WASF2: variants seen among roughly 807,000 people sequenced by gnomAD.
WASF2 encodes WASP family member 2, also known as actin-binding protein WASF2.
In WASF2, 14 loss-of-function variants were observed where a neutral mutation model predicts 45.0. The ratio of observed to expected loss-of-function variants is 0.31; its 90% CI spans 0.21 to 0.49. The LOEUF is 0.49. Ranked by LOEUF, WASF2 falls within the 20% of genes least tolerant of loss-of-function variation. The pLI is 0.99. For synonymous variants in WASF2, 200 were observed against 236.3 expected (o/e 0.85, Z 1.41); for missense variants, 439 against 636.1 (o/e 0.69, Z 3.33).
In WASF2 at chr1:27,408,308, C is replaced by T. The variant is rs199795195; in HGVS notation, c.1378G>A (p.Glu460Lys). ...TCATTGCCCACAACATCCCGCTTCT[C>T]TTGTTCCCGCTGCTCCTCAACCCTG... ...LRRVEEQREQ[E>K]KRDVVGNDVA... The change falls in exon 9 of 9, where the codon GAG becomes AAG. Residue 460 changes from glutamate to lysine, a missense_variant. By Grantham distance (56) the Glu-to-Lys change is moderately conservative. Transcript: ENST00000618852. 1 of 1,614,246 alleles carries T rather than the reference C, an allele frequency of 6.2e-7. No individual in the cohort carries two copies. The highest frequency in any genetic ancestry group is 8.5e-7 in the Non-Finnish European group (1 of 1,180,056).
chr1:27,467,347 C>A (rs2017628366), intron 1 of WASF2, among the ~76,000 whole-genome samples: 2 of 148,004 alleles, frequency 1.4e-5, no homozygotes, highest in Admixed American at 6.7e-5. Context: ...GGTGTCCAGG[C>A]TGGAATGCAG....
At chr1:27,480,568 G>A (rs185204478) in intron 1 of WASF2, among the ~76,000 whole-genome samples, 2 of 151,846 alleles carry the variant, frequency 1.3e-5, no homozygotes, top group East Asian at 3.9e-4. Context: ...GAAATAAACT[G>A]AGTACTTGCT....
intron 2 of WASF2, among the ~76,000 whole-genome samples, chr1:27,419,781 C>T (rs1347229445): frequency 2.6e-5 from 4 of 152,160 alleles, no homozygotes; most frequent in Non-Finnish European, 4.4e-5. Flanking sequence ...CTTGAAAATA[C>T]AGTGAACAAC....
intron 1 of WASF2, among the ~76,000 whole-genome samples, chr1:27,460,851 GTT>G (rs1300664284): frequency 2.0e-5 from 3 of 152,146 alleles, no homozygotes; most frequent in African/African-American, 7.2e-5. Flanking sequence ...CCTTAGAAAA[GTT>G]TTTGGCCAGG....
At chr1:27,479,613 C>T (rs1421023338) in intron 1 of WASF2, among the ~76,000 whole-genome samples, 1 of 152,162 alleles carries the variant, frequency 6.6e-6, no homozygotes, top group Non-Finnish European at 1.5e-5. Flanking sequence ...GCCTGTAATC[C>T]CAGCACTTTG....
chr1:27,419,321 G>A (rs575273971), intron 2 of WASF2, among the ~76,000 whole-genome samples: 2 of 152,308 alleles, frequency 1.3e-5, no homozygotes, highest in African/African-American at 2.4e-5. Flanking sequence ...CTTGACAGAC[G>A]TGAACAGTCA....
At chr1:27,476,789 AAT>A (rs1185392435) in intron 1 of WASF2, among the ~76,000 whole-genome samples, 1 of 152,222 alleles carries the variant, frequency 6.6e-6, no homozygotes, top group Non-Finnish European at 1.5e-5. Context: ...TAGAAAAAAC[AAT>A]AGTGAAATCT....
At chr1:27,477,221 CTA>C (rs892472375) in intron 1 of WASF2, among the ~76,000 whole-genome samples, 33 of 152,294 alleles carry the variant, frequency 2.2e-4, no homozygotes, top group East Asian at 1.9e-4. Context: ...AGAGGGGCTT[CTA>C]TATGAGTACA....
chr1:27,445,333 C>G (rs1190153743), intron 1 of WASF2, among the ~76,000 whole-genome samples: 1 of 152,196 alleles, frequency 6.6e-6, no homozygotes, highest in East Asian at 1.9e-4. Flanking sequence ...CACAGACAGA[C>G]AGCTTTCAAA....
At chr1:27,461,657 G>A (rs1397389556) in intron 1 of WASF2, among the ~76,000 whole-genome samples, 3 of 150,674 alleles carry the variant, frequency 2.0e-5, no homozygotes, top group Non-Finnish European at 4.4e-5. Flanking sequence ...CTTATTTTTC[G>A]TAGAGTCGGG....
chr1:27,489,683 T>G (rs940453011), intron 1 of WASF2, among the ~76,000 whole-genome samples: 1 of 152,120 alleles, frequency 6.6e-6, no homozygotes, highest in Non-Finnish European at 1.5e-5. Context: ...GAGAGGAAAG[T>G]GACTTGCTCA....
intron 1 of WASF2, among the ~76,000 whole-genome samples, chr1:27,443,487 C>T (rs2017271437): frequency 6.6e-6 from 1 of 151,662 alleles, no homozygotes; most frequent in African/African-American, 2.4e-5. Context: ...GTGGCAGGCA[C>T]CTGTAATCCC....
At chr1:27,451,052 G>GAA (rs939560148) in intron 1 of WASF2, among the ~76,000 whole-genome samples, 12 of 143,122 alleles carry the variant, frequency 8.4e-5, no homozygotes, top group African/African-American at 1.8e-4. Flanking sequence ...CTCTTAAAAA[G>GAA]AAAAAAAAAA....
intron 1 of WASF2, among the ~76,000 whole-genome samples, chr1:27,449,198 T>A (rs2017349385): frequency 6.6e-6 from 1 of 152,128 alleles, no homozygotes; most frequent in Admixed American, 6.5e-5. Flanking sequence ...AATGAGCGGT[T>A]TTTTCACTTG....
rs538539930 is a variant in WASF2, at chr1:27,443,301, G to A, written c.-43-14368C>T. 3.4e-4 allele frequency among the ~76,000 whole-genome samples: 36 copies of A among 106,122 alleles called. No homozygotes were observed. The South Asian group carries it at 0.012, about 35-fold the overall frequency. 69.6% of individuals were successfully genotyped at this position (106,122 alleles called of 152,430 possible). On this transcript the variant is annotated intron_variant, in intron 1 of 8. Transcript: ENST00000618852. ...ACCCAGGCAACAAGAGCAAGACACC[G>A]TCTCTTAAAAAAAAAAAAAAAAAAA...
intron 1 of WASF2, among the ~76,000 whole-genome samples, chr1:27,477,235 A>G (rs1342596440): frequency 1.3e-5 from 2 of 152,118 alleles, no homozygotes; most frequent in Non-Finnish European, 2.9e-5. Context: ...ATGAGTACAG[A>G]TTTTTTTTAA....
At position 27,408,088 on chromosome 1, in the gene WASF2, T is replaced by G. The variant is rs1295253193; in HGVS notation, c.*101A>C. On this transcript the variant is annotated 3_prime_UTR_variant, in exon 9 of 9. Transcript: ENST00000618852. ...GAAAGCTTTGGCCCCTTAAAATTAC[T>G]TTTTTCCTCCCTTTTCTCCCCCTAC... 3 of 1,443,298 alleles carry G rather than the reference T, an allele frequency of 2.1e-6. No homozygotes were observed. Among genetic ancestry groups the G allele is most frequent in the Non-Finnish European group, 2.8e-6 (3 of 1,073,192 alleles). The allele number at this position is 1,443,298 out of a possible 1,614,324, so 89.4% of individuals were successfully genotyped here.
chr1:27,461,547 C>G lies in WASF2; in HGVS notation c.-44+28439G>C, dbSNP rs1334921367. ...GACGGATCTTGGCTCACTGCAAGCT[C>G]CGCCTCCCGGGCTCACTCCATTCTC... On this transcript the variant is annotated intron_variant, in intron 1 of 8. Coordinates refer to ENST00000618852, the MANE Select transcript of WASF2 (RefSeq NM_006990.5). Among the ~76,000 whole-genome samples the G allele has an allele frequency of 4.0e-5, 6 of 151,372 alleles. No individual in the cohort carries two copies. The South Asian group carries it at 1.3e-3, about 32-fold the overall frequency.
At chr1:27,423,620 A>G (rs1351408005) in intron 2 of WASF2, among the ~76,000 whole-genome samples, 1 of 152,230 alleles carries the variant, frequency 6.6e-6, no homozygotes, top group Non-Finnish European at 1.5e-5. Flanking sequence ...AGGAAAAACC[A>G]AAGTGTCTTG....
Sources: gnomAD v4.1 joint callset for allele counts (sites outside exome capture counted in the v4.1 genomes callset) on GRCh38, gnomAD v4.1.1 for gene constraint, MANE v1.5 for transcripts, NCBI Gene and HGNC (gene_info 2026-07-23, HGNC 2026-07-21) for gene names.